Variants in COL22A1 observed in about 807,000 individuals in gnomAD.
The protein encoded by COL22A1 is collagen alpha-1(XXII) chain.
A neutral mutation model predicts 248.9 loss-of-function variants in COL22A1; 221 were observed. The observed-to-expected ratio is 0.89, with a 90% CI of 0.80 to 0.99. The LOEUF (loss-of-function observed/expected upper bound fraction) is 0.99. COL22A1 is among the 50% of genes least tolerant of loss of function. The probability of loss-of-function intolerance (pLI) is 0.00; values close to 1 mark genes in which losing one functional copy is unlikely to be tolerated. For missense variants in COL22A1, 2,240 were observed against 2,179.0 expected (o/e 1.03, Z -0.56); for synonymous variants, 891 against 793.4 (o/e 1.12, Z -2.07).
At chr8:138,717,918 C>T (rs1829569139) in intron 27 of COL22A1, among the ~76,000 whole-genome samples, 2 of 152,178 alleles carry the variant, frequency 1.3e-5, no homozygotes, top group South Asian at 4.1e-4. Context: ...TCTTGAATGA[C>T]AATGTATTTC....
intron 5 of COL22A1, among the ~76,000 whole-genome samples, chr8:138,829,014 G>A (rs1462097177): frequency 6.6e-6 from 1 of 152,212 alleles, no homozygotes; most frequent in Non-Finnish European, 1.5e-5. Context: ...TGCCTGGCCA[G>A]ACAGACAGGA....
chr8:138,714,742 C>G (rs567106913), intron 30 of COL22A1, among the ~76,000 whole-genome samples: 1 of 152,142 alleles, frequency 6.6e-6, no homozygotes, highest in Non-Finnish European at 1.5e-5. Context: ...CCTCTCTGTG[C>G]ACTTCAGGGC....
In COL22A1 at chr8:138,646,666, G is replaced by A. The variant is rs755879579; in HGVS notation, c.3464C>T (p.Pro1155Leu). The change falls in exon 47 of 65, where the codon CCA becomes CTA. Residue 1155 changes from proline to leucine, a missense_variant. Physicochemically the swap from Pro to Leu is moderately conservative, Grantham distance 98 (BLOSUM62 -3). Transcript: ENST00000303045. ...TATTCCTGGGGGCCCTGGTAGGCCT[G>A]GAGGCCCAGCCTCTCCCTGTATCAG... ...TEGKKGEAGP[P>L]GLPGPPGIAG... 1.9e-6 allele frequency: 3 copies of A among 1,580,020 alleles called. No individual in the cohort carries two copies. Among genetic ancestry groups the A allele is most frequent in the East Asian group, 2.3e-5 (1 of 43,354 alleles).
chr8:138,731,901 G>T (rs981457771), intron 23 of COL22A1, among the ~76,000 whole-genome samples: 1 of 152,048 alleles, frequency 6.6e-6, no homozygotes, highest in African/African-American at 2.4e-5. Flanking sequence ...AATCTTCTTT[G>T]GCCTTCTGAT....
intron 12 of COL22A1, among the ~76,000 whole-genome samples, chr8:138,795,288 C>G (rs1343426407): frequency 6.6e-6 from 1 of 152,146 alleles, no homozygotes; most frequent in African/African-American, 2.4e-5. Flanking sequence ...GGTCGTACCA[C>G]TTAAGTTATG....
intron 18 of COL22A1, among the ~76,000 whole-genome samples, chr8:138,756,500 C>T (rs1192043365): frequency 6.6e-6 from 1 of 152,090 alleles, no homozygotes; most frequent in Non-Finnish European, 1.5e-5. Context: ...AGTATTATTT[C>T]TATGGTGCCT....
At chr8:138,687,194 T>C (rs1230440696) in intron 37 of COL22A1, among the ~76,000 whole-genome samples, 1 of 152,196 alleles carries the variant, frequency 6.6e-6, no homozygotes, top group African/African-American at 2.4e-5. Flanking sequence ...TGACCTCAAG[T>C]GACCTGCCTG....
At chr8:138,880,568 C>T (rs1824123608) in intron 2 of COL22A1, among the ~76,000 whole-genome samples, 1 of 152,218 alleles carries the variant, frequency 6.6e-6, no homozygotes, top group African/African-American at 2.4e-5. Context: ...GCCAATGCCA[C>T]CCTTGAATGT....
chr8:138,640,273 A>G (rs1380531852), intron 47 of COL22A1, among the ~76,000 whole-genome samples: 1 of 152,184 alleles, frequency 6.6e-6, no homozygotes, highest in African/African-American at 2.4e-5. Flanking sequence ...ACATGATAAA[A>G]CAATCATTTG....
At chr8:138,687,278 A>G (rs938924801) in intron 37 of COL22A1, among the ~76,000 whole-genome samples, 13 of 152,236 alleles carry the variant, frequency 8.5e-5, no homozygotes, top group East Asian at 1.9e-4. Context: ...TATTAAGCCT[A>G]TGATCAACAC....
chr8:138,649,045 G>T (rs1822456644), intron 46 of COL22A1, among the ~76,000 whole-genome samples: 1 of 152,146 alleles, frequency 6.6e-6, no homozygotes, highest in African/African-American at 2.4e-5. Flanking sequence ...CCACCTTTGT[G>T]AAGAAGTTTT....
At chr8:138,647,509 T>C (rs1587755047) in intron 46 of COL22A1, among the ~76,000 whole-genome samples, 4 of 152,308 alleles carry the variant, frequency 2.6e-5, no homozygotes, top group Admixed American at 2.6e-4. Context: ...TAGGATCTCA[T>C]TTGTGTGTGC....
chr8:138,595,985 T>C (rs138674676), intron 62 of COL22A1, among the ~76,000 whole-genome samples: 8 of 152,318 alleles, frequency 5.3e-5, no homozygotes, highest in Non-Finnish European at 1.2e-4. Context: ...GCTGCCCAGG[T>C]GCAAATCCTG....
At chr8:138,825,776 C>T (rs1262915173) in intron 6 of COL22A1, 1 of 152,138 alleles carries the variant, frequency 6.6e-6, no homozygotes, top group African/African-American at 2.4e-5. Context: ...GTCAGTATCT[C>T]CCAGCTGAAA....
intron 41 of COL22A1, 67 bp from the exon 42 acceptor site, chr8:138,663,807 G>A (rs1824200689): frequency 2.4e-6 from 3 of 1,246,418 alleles, no homozygotes; most frequent in Admixed American, 3.4e-5. Flanking sequence ...AAGCTATGGT[G>A]TTTATTCCAT....
At chr8:138,629,285 T>C (rs1820514544) in intron 50 of COL22A1, among the ~76,000 whole-genome samples, 2 of 152,092 alleles carry the variant, frequency 1.3e-5, no homozygotes, top group African/African-American at 2.4e-5. Context: ...GCCTCCCAAG[T>C]AGGTGGGATT....
At chr8:138,787,237 G>A (rs1253431039) in intron 12 of COL22A1, among the ~76,000 whole-genome samples, 1 of 151,826 alleles carries the variant, frequency 6.6e-6, no homozygotes, top group Non-Finnish European at 1.5e-5. Flanking sequence ...AATATGTAAA[G>A]CTAAGGATCC....
intron 4 of COL22A1, among the ~76,000 whole-genome samples, chr8:138,840,949 A>C (rs1820836840): frequency 6.6e-6 from 1 of 152,194 alleles, no homozygotes; most frequent in Non-Finnish European, 1.5e-5. Context: ...GCTATTCTTC[A>C]GCCTACAGAA....
In COL22A1 at chr8:138,802,924, C is replaced by T. The variant is rs201776530; in HGVS notation, c.1505G>A (p.Gly502Glu). 2.0e-5 allele frequency: 33 copies of T among 1,613,760 alleles called. No homozygotes were observed. The East Asian group carries it at 6.2e-4, about 31-fold the overall frequency. ...AGGAGCGCCAACCGGCCCAATGGCT[C>T]CTATGTCTCCCTGAGGGGTTGAGAC... is the stretch of plus-strand genomic sequence containing the variant. ...MGLPGPKGDI[G>E]AIGPVGAPGP... is the part of the protein sequence containing the mutation. Residue 502 changes from glycine to glutamate, a missense_variant, in exon 11 of 65, where the codon GGA becomes GAA. Physicochemically the swap from Gly to Glu is moderately conservative, Grantham distance 98. Transcript: ENST00000303045.
Sources: allele counts gnomAD v4.1 joint callset (sites outside exome capture counted in the v4.1 genomes callset), GRCh38; gene constraint gnomAD v4.1.1; transcripts MANE v1.5; gene names NCBI Gene and HGNC (gene_info 2026-07-23, HGNC 2026-07-21).